EDARADD: variants seen among roughly 807,000 people sequenced by gnomAD.
The protein encoded by EDARADD is ectodysplasin-A receptor-associated adapter protein.
A neutral mutation model predicts 25.6 loss-of-function variants in EDARADD; 20 were observed. The observed-to-expected ratio is 0.78, with a 90% CI of 0.55 to 1.14. The LOEUF (loss-of-function observed/expected upper bound fraction) is 1.14, where lower values mean the gene tolerates loss of function less well. Among genes scored for constraint, EDARADD ranks in the 50% most tolerant of loss-of-function variants. The pLI is 0.00. For synonymous variants in EDARADD, 86 were observed against 94.4 expected, an observed-to-expected ratio of 0.91 and a Z score of 0.52; for missense variants, 225 against 270.1, an observed-to-expected ratio of 0.83 and a Z score of 1.17.
At chr1:236,450,272 C>T (rs1443297717) in intron 4 of EDARADD, among the ~76,000 whole-genome samples, 1 of 151,464 alleles carries the variant, frequency 6.6e-6, no homozygotes, top group Non-Finnish European at 1.5e-5. Flanking sequence ...CCCACCTGGG[C>T]CACAGAGGAA....
intron 4 of EDARADD, among the ~76,000 whole-genome samples, chr1:236,466,574 G>A (rs1044414607): frequency 1.3e-5 from 2 of 152,106 alleles, no homozygotes; most frequent in Non-Finnish European, 2.9e-5. Context: ...TTCCAGTAAA[G>A]ATAGAAATAT....
At position 236,413,382 on chromosome 1, in the gene EDARADD, C is replaced by T. The variant is rs193094204; in HGVS notation, c.121-878C>T. Among the ~76,000 whole-genome samples the T allele has an allele frequency of 5.3e-5, 8 of 152,320 alleles. No individual in the cohort carries two copies. The East Asian group carries it at 1.5e-3, about 29-fold the overall frequency. ...TCCAAAGAAACTCCCAGGAAAGGCA[C>T]TTAAAACAAAACCCTCGATTCTCCA... On this transcript the variant is annotated intron_variant, in intron 2 of 5. Coordinates refer to ENST00000334232, the MANE Select transcript of EDARADD (RefSeq NM_145861.4).
At chr1:236,399,062 C>T (rs1316399091) in intron 1 of EDARADD, among the ~76,000 whole-genome samples, 3 of 152,162 alleles carry the variant, frequency 2.0e-5, no homozygotes, top group Middle Eastern at 3.4e-3. Flanking sequence ...ACTTACTCAT[C>T]GAGTTAGCCG....
chr1:236,363,377 T>C lies in EDARADD; in HGVS notation c.-6+12538T>C, dbSNP rs575300170. 6.2e-4 allele frequency among the ~76,000 whole-genome samples: 94 copies of C among 151,784 alleles called. 1 individual carries two copies. The South Asian group carries it at 0.019, about 30-fold the overall frequency. ...TTCCCTCTTGGTGCTGTTCTGGTAG[T>C]CAGTGAGTTCTTCTGAGATCTGGTT... On this transcript the variant is annotated intron_variant, in intron 3 of 7. Coordinates refer to the EDARADD transcript ENST00000439430.
intron 4 of EDARADD, among the ~76,000 whole-genome samples, chr1:236,428,899 C>G (rs1279095860): frequency 1.3e-5 from 2 of 151,996 alleles, no homozygotes; most frequent in African/African-American, 2.4e-5. Flanking sequence ...CTCGGGAGGC[C>G]GAGGCTGGCA....
intron 5 of EDARADD, among the ~76,000 whole-genome samples, chr1:236,475,068 G>A (rs12096268): frequency 0.096 from 14,595 of 152,160 alleles, 1,040 homozygotes; most frequent in African/African-American, 0.19. Context: ...GGGAGGCAGA[G>A]GTTGCAGTGA....
chr1:236,436,562 G>A (rs1313621855), intron 4 of EDARADD, among the ~76,000 whole-genome samples: 2 of 146,910 alleles, frequency 1.4e-5, no homozygotes, highest in African/African-American at 5.0e-5. Context: ...GGGAGGTTGA[G>A]GCTGCAGTGA....
chr1:236,415,228 G>A (rs938231343), intron 3 of EDARADD, among the ~76,000 whole-genome samples: 5 of 152,238 alleles, frequency 3.3e-5, no homozygotes, highest in East Asian at 1.9e-4. Context: ...AGATCGGGTC[G>A]GGGAGGAGGG....
chr1:236,458,214 G>T (rs1571947967), intron 4 of EDARADD, among the ~76,000 whole-genome samples: 1 of 152,212 alleles, frequency 6.6e-6, no homozygotes, highest in Non-Finnish European at 1.5e-5. Context: ...ATGGTGCAAG[G>T]TTCACAGTGC....
At chr1:236,433,486 C>A (rs1016795655) in intron 4 of EDARADD, among the ~76,000 whole-genome samples, 1 of 150,214 alleles carries the variant, frequency 6.7e-6, no homozygotes, top group African/African-American at 2.4e-5. Flanking sequence ...AATTTTTGTA[C>A]TTTTAGTAGA....
At chr1:236,436,489 T>C (rs1658254757) in intron 4 of EDARADD, among the ~76,000 whole-genome samples, 1 of 151,872 alleles carries the variant, frequency 6.6e-6, no homozygotes, top group South Asian at 2.1e-4. Context: ...TAGCTAGGTG[T>C]GGTGGTGCAC....
chr1:236,468,828 C>G (rs1372954459), intron 5 of EDARADD, among the ~76,000 whole-genome samples: 1 of 152,088 alleles, frequency 6.6e-6, no homozygotes, highest in East Asian at 1.9e-4. Context: ...CTGAATGGGG[C>G]AGGTTTAGGA....
At chr1:236,447,169 C>CTTTTT (rs1558127340) in intron 4 of EDARADD, among the ~76,000 whole-genome samples, 90 of 98,846 alleles carry the variant, frequency 9.1e-4, no homozygotes, top group African/African-American at 4.0e-3. Context: ...TCCCTCCCTC[C>CTTTTT]CTCTTTCTTT....
At position 236,405,870 on chromosome 1, in the gene EDARADD, CTTCCT is replaced by C. The variant is rs1558112773; in HGVS notation, c.62-3344_62-3340del. Among the ~76,000 whole-genome samples the C allele has an allele frequency of 8.0e-4, 30 of 37,540 alleles. 1 individual carries two copies. The highest frequency in any genetic ancestry group is 2.7e-3 in the Admixed American group (7 of 2,574). 24.6% of individuals were successfully genotyped at this position (37,540 alleles called of 152,430 possible). ...CCTTCCTTCCTTCCTTCCTTCCTTC[CTTCCT>C]TCTTTCTTTCTTTCTTTCTTTCTTT... On this transcript the variant is annotated intron_variant, in intron 1 of 5. Transcript: ENST00000334232.
rs554922681 is a variant in EDARADD at position 236,414,800 on chromosome 1, G to A, written c.160+501G>A. On this transcript the variant is annotated intron_variant, in intron 3 of 5. Coordinates refer to ENST00000334232, the MANE Select transcript of EDARADD (RefSeq NM_145861.4). ...AGGCAGGAGAATCGCTTGAACCTGG[G>A]AGGCAGAGGTTGCAGTGAGCCAAGA... is the stretch of plus-strand genomic sequence containing the variant. Among the ~76,000 whole-genome samples the A allele has an allele frequency of 4.4e-3, 673 of 152,156 alleles. 6 individuals carry two copies. Among genetic ancestry groups the A allele is most frequent in the Admixed American group, 1.0e-2 (152 of 15,264 alleles).
chr1:236,360,249 G>T (rs1667030193), intron 3 of EDARADD, among the ~76,000 whole-genome samples: 2 of 152,040 alleles, frequency 1.3e-5, no homozygotes, highest in Non-Finnish European at 2.9e-5. Flanking sequence ...GAGCTCAGGA[G>T]GTCAAGGCTT....
intron 5 of EDARADD, among the ~76,000 whole-genome samples, chr1:236,474,033 GCCACCT>G (rs1449777729): frequency 6.6e-6 from 1 of 152,108 alleles, no homozygotes; most frequent in Non-Finnish European, 1.5e-5. Flanking sequence ...AGGAAATGCT[GCCACCT>G]CCATTTTATA....
chr1:236,475,917 G>C (rs1250908558), intron 5 of EDARADD, among the ~76,000 whole-genome samples: 1 of 152,078 alleles, frequency 6.6e-6, no homozygotes, highest in African/African-American at 2.4e-5. Context: ...CAGGCCGGGC[G>C]CGGTGGCTCA....
intron 3 of EDARADD, among the ~76,000 whole-genome samples, chr1:236,357,583 G>A (rs747783027): frequency 5.9e-5 from 9 of 152,086 alleles, no homozygotes; most frequent in Non-Finnish European, 7.4e-5. Flanking sequence ...GAGGCCTCAG[G>A]GAGCTTTTAC....
Sources: allele counts gnomAD v4.1 joint callset (sites outside exome capture counted in the v4.1 genomes callset), GRCh38; gene constraint gnomAD v4.1.1; transcripts MANE v1.5; gene names NCBI Gene and HGNC (gene_info 2026-07-23, HGNC 2026-07-21).